Variants in FCHO1 observed in about 807,000 individuals in gnomAD.
FCHO1 encodes the protein FCH and mu domain containing endocytic adaptor 1.
A neutral mutation model predicts 114.4 loss-of-function variants in FCHO1; 45 were observed. That is an observed-to-expected ratio of 0.39 (90% CI 0.31 to 0.50). The LOEUF (loss-of-function observed/expected upper bound fraction) is 0.50, where lower values mean the gene tolerates loss of function less well. FCHO1 is among the 20% of genes least tolerant of loss of function. FCHO1 has a pLI of 0.77. For synonymous variants in FCHO1, 480 were observed against 488.9 expected (o/e 0.98, Z 0.24); for missense variants, 1,042 against 1,209.6 (o/e 0.86, Z 2.06).
At chr19:17,785,052 C>A (rs2093751778) in intron 26 of FCHO1, 128 bp downstream of exon 26, 1 of 886,362 alleles carries the variant, frequency 1.1e-6, no homozygotes, top group Non-Finnish European at 1.8e-6. Context: ...CCCTGCTTAG[C>A]ACTAAGGGTG....
In FCHO1 at chr19:17,775,598, C is replaced by T. The variant is rs1383595184; in HGVS notation, c.1003+85C>T. On this transcript the variant is annotated intron_variant, in intron 15 of 28. Transcript: ENST00000596536. The surrounding 1 kb of genome is among the most constrained non-coding windows in gnomAD (Gnocchi z 5.1). ...AATAACCAGTCCACCTTCAGCAGTC[C>T]TCTCTGTGTACATCCTGGAGAGAGT... The T allele has an allele frequency of 2.4e-6, 3 of 1,256,056 alleles. No homozygotes were observed. In the East Asian group the frequency reaches 7.0e-5, roughly 29 times the overall value. 77.8% of individuals were successfully genotyped at this position (1,256,056 alleles called of 1,614,324 possible). A position where few individuals can be genotyped will look rare whatever the true frequency, so the allele number is the denominator to read the frequency against.
Position 17,778,723 on chromosome 19 carries a change from C to G in FCHO1, c.1466C>G (p.Pro489Arg), listed in dbSNP as rs369672866. ...TCCCACGCGGCACCTGGCCCCTCCC[C>G]AGATTCCTGGGTCCCCCGCCCAGGC... The part of the protein sequence containing the change: ...SPSHAAPGPS[P>R]DSWVPRPGTP... The change falls in exon 20 of 29, where the codon CCA (proline) becomes CGA (arginine). Residue 489 changes from proline to arginine, a missense_variant. Pro to Arg is a moderately radical substitution (Grantham distance 103). Coordinates refer to ENST00000596536, the MANE Select transcript of FCHO1 (RefSeq NM_015122.3). 7.3e-5 allele frequency: 113 copies of G among 1,543,780 alleles called. No individual in the cohort carries two copies. Among genetic ancestry groups the G allele is most frequent in the Admixed American group, 4.4e-4 (23 of 51,826 alleles).
At position 17,778,648 on chromosome 19, in the gene FCHO1, TCTC is replaced by T. The variant is rs761588837; in HGVS notation, c.1398_1400del (p.Ser468del). The T allele has an allele frequency of 7.0e-6, 11 of 1,577,578 alleles. No homozygotes were observed. Among genetic ancestry groups the T allele is most frequent in the South Asian group, 6.9e-5 (6 of 86,454 alleles). ...GGCTTCACCTCCAGCCCCTCCCCTT[TCTC>T]CTCCTCGTCGCCCGAAAACGTGGAG... On this transcript the variant is annotated inframe_deletion, in exon 20 of 29. Coordinates refer to ENST00000596536, the MANE Select transcript of FCHO1 (RefSeq NM_015122.3).
At position 17,784,887 on chromosome 19, in the gene FCHO1, C is replaced by A; in HGVS notation, c.2389C>A (p.Pro797Thr). ...NVQILLPVGE[P>T]VTNVRLQPAA... ...CCAGATCCTGCTGCCTGTGGGGGAG[C>A]CTGTGACCAACGTCCGCTTGCAGCC... Residue 797 changes from proline (P) to threonine (T), a missense_variant, in exon 26 of 29, where the codon CCT (proline) becomes ACT (threonine). Coordinates refer to ENST00000596536, the MANE Select transcript of FCHO1 (RefSeq NM_015122.3). The surrounding 1 kb of genome is among the most constrained non-coding windows in gnomAD (Gnocchi z 5.3). The A allele has an allele frequency of 6.2e-7, 1 of 1,613,226 alleles. No individual in the cohort carries two copies. Among genetic ancestry groups the A allele is most frequent in the South Asian group, 1.1e-5 (1 of 91,088 alleles).
In FCHO1 at chr19:17,775,603, T is replaced by C; in HGVS notation, c.1003+90T>C. The C allele has an allele frequency of 1.7e-6, 2 of 1,204,994 alleles. No homozygotes were observed. The highest frequency in any genetic ancestry group is 1.2e-5 in the South Asian group (1 of 82,418). 74.6% of individuals were successfully genotyped at this position (1,204,994 alleles called of 1,614,324 possible). ...CCAGTCCACCTTCAGCAGTCCTCTC[T>C]GTGTACATCCTGGAGAGAGTCTCCT... On this transcript the variant is annotated intron_variant, in intron 15 of 28. Transcript: ENST00000596536. This position sits in a 1 kb window ranked among gnomAD's most constrained non-coding sequence, Gnocchi z 5.1.
At position 17,751,737 on chromosome 19, in the gene FCHO1, C is replaced by A. The variant is rs916590572; in HGVS notation, c.-183+160C>A. ...CTGCATGGGGCCACCCGTTGCCCTG[C>A]CCCCCGTCCCCCATTCCAGCTGTGA... On this transcript the variant is annotated intron_variant, in intron 1 of 28. Transcript: ENST00000596536. This position sits in a 1 kb window ranked among gnomAD's most constrained non-coding sequence, Gnocchi z 4.4. Among the ~76,000 whole-genome samples the A allele has an allele frequency of 2.0e-5, 3 of 152,222 alleles. No homozygotes were observed. Among genetic ancestry groups the A allele is most frequent in the Non-Finnish European group, 4.4e-5 (3 of 68,036 alleles).
Position 17,778,216 on chromosome 19 carries a change from G to C in FCHO1, c.1339G>C (p.Glu447Gln). Residue 447 changes from glutamate to glutamine, a missense_variant, in exon 19 of 29, where the codon GAA (glutamate) becomes CAA (glutamine). Coordinates refer to ENST00000596536, the MANE Select transcript of FCHO1 (RefSeq NM_015122.3). ...GCCCCTGGAGTCAGCCTTTGACCAC[G>C]AAGATTTTACAGGTGATGGGGATAA... ...GPPLESAFDHEDFTGSSSLGF... is the reference protein window; with the variant it reads ...GPPLESAFDHQDFTGSSSLGF... The C allele has an allele frequency of 6.2e-7, 1 of 1,613,690 alleles. No homozygotes were observed. The highest frequency in any genetic ancestry group is 8.5e-7 in the Non-Finnish European group (1 of 1,179,744).
At chr19:17,786,732 A>T in intron 27 of FCHO1, 103 bp downstream of exon 27, 2 of 1,250,870 alleles carry the variant, frequency 1.6e-6, no homozygotes, top group Non-Finnish European at 2.3e-6. Flanking sequence ...GAGGGCGGGC[A>T]AGTATGGGCA....
At chr19:17,749,975 A>G (rs2081499066), upstream of FCHO1, among the ~76,000 whole-genome samples, 1 of 152,148 alleles carries the variant, frequency 6.6e-6, no homozygotes, top group South Asian at 2.1e-4. Flanking sequence ...GGAGTGGCCC[A>G]AGGTCATCAG....
At chr19:17,757,328 T>TG (rs1441248819) in intron 4 of FCHO1, among the ~76,000 whole-genome samples, 2 of 152,136 alleles carry the variant, frequency 1.3e-5, no homozygotes, top group Admixed American at 6.6e-5. Flanking sequence ...AGGCAGACGC[T>TG]GCTGGGGGTT....
Position 17,762,886 on chromosome 19 carries a change from A to G in FCHO1, c.119+33A>G, listed in dbSNP as rs775633818. ...CCCCAAGCCCCATCCACCAGAGGCC[A>G]CGCCCACCATCCTGTAGTCACGCCC... On this transcript the variant is annotated intron_variant, in intron 5 of 28. Transcript: ENST00000596536. 8.3e-6 allele frequency: 12 copies of G among 1,444,938 alleles called. No individual in the cohort carries two copies. The Admixed American group carries it at 2.0e-4, about 24-fold the overall frequency. The allele number at this position is 1,444,938 out of a possible 1,614,324, so 89.5% of individuals were successfully genotyped here.
At chr19:17,781,601 G>T (rs2093416100) in intron 22 of FCHO1, 62 bp downstream of exon 22, 2 of 1,586,488 alleles carry the variant, frequency 1.3e-6, no homozygotes, top group East Asian at 2.2e-5. Context: ...TGGTCTGGGT[G>T]GGTGGCTTCT....
chr19:17,763,930 A>G (rs1423327220), intron 5 of FCHO1, among the ~76,000 whole-genome samples: 1 of 152,078 alleles, frequency 6.6e-6, no homozygotes, highest in East Asian at 1.9e-4. Context: ...AACATCCCTC[A>G]GAGTGTTGTG....
chr19:17,772,828 T>C, intron 11 of FCHO1, 87 bp downstream of exon 11: 1 of 944,356 alleles, frequency 1.1e-6, no homozygotes, highest in South Asian at 1.5e-5. Flanking sequence ...ATTTTTTTTT[T>C]ATTTTTTTAT....
At position 17,787,806 on chromosome 19, in the gene FCHO1, C is replaced by T. The variant is rs372649691; in HGVS notation, c.2607C>T (p.Ser869=). The change falls in exon 28 of 29, where the codon AGC becomes AGT. Residue 869 remains serine (S), a synonymous_variant. Transcript: ENST00000596536. ...LSGVDLELVG[S]GYRMSLVKRR... ...GCGTGGACTTGGAACTGGTGGGCAGCGGTTACCGCATGTCGCTGGTGAAGA... is the reference window on the plus strand; with the variant it reads ...GCGTGGACTTGGAACTGGTGGGCAGTGGTTACCGCATGTCGCTGGTGAAGA... The T allele has an allele frequency of 4.2e-5, 67 of 1,613,384 alleles. No individual in the cohort carries two copies. In the Middle Eastern group the frequency reaches 1.3e-3, roughly 32 times the overall value.
At position 17,775,095 on chromosome 19, in the gene FCHO1, A is replaced by G; in HGVS notation, c.945+15A>G. 6.2e-7 allele frequency: 1 copy of G among 1,611,588 alleles called. No individual in the cohort carries two copies. Among genetic ancestry groups the G allele is most frequent in the African/African-American group, 1.3e-5 (1 of 74,908 alleles). On this transcript the variant is annotated intron_variant, in intron 14 of 28. Transcript: ENST00000596536. The surrounding 1 kb of genome is among the most constrained non-coding windows in gnomAD (Gnocchi z 5.1). ...CCGATTCAGGGGTGAGTGATGTGGGAGGGGTCAGGCTGGGCTACAAGTGGA... is the reference window on the plus strand; with the variant it reads ...CCGATTCAGGGGTGAGTGATGTGGGGGGGGTCAGGCTGGGCTACAAGTGGA...
upstream of FCHO1, among the ~76,000 whole-genome samples, chr19:17,750,865 G>A (rs1361555271): frequency 1.6e-5 from 2 of 126,996 alleles, no homozygotes; most frequent in Non-Finnish European, 3.2e-5. Context: ...TCGCTCTGTC[G>A]CCAGGCTGGA....
intron 5 of FCHO1, 75 bp downstream of exon 5, chr19:17,762,928 C>G: frequency 2.0e-6 from 2 of 1,024,852 alleles, no homozygotes; most frequent in Non-Finnish European, 3.1e-6. Flanking sequence ...TGGCTACGCC[C>G]TGCATGGTCA....
intron 1 of FCHO1, chr19:17,753,594 A>G (rs1332676295): frequency 6.6e-6 from 1 of 152,208 alleles, no homozygotes; most frequent in East Asian, 1.9e-4. Flanking sequence ...TGGGTGAGCA[A>G]GTAGGAGGTC....
Sources: allele counts gnomAD v4.1 joint callset (sites outside exome capture counted in the v4.1 genomes callset), GRCh38; gene constraint gnomAD v4.1.1; non-coding constraint Gnocchi (gnomAD v3.1); transcripts MANE v1.5; gene names NCBI Gene and HGNC (gene_info 2026-07-23, HGNC 2026-07-21).